Variants in MAML3 observed in about 807,000 individuals in gnomAD.
MAML3 encodes mastermind-like protein 3.
In MAML3, 27 loss-of-function variants were observed where a neutral mutation model predicts 101.9. The observed-to-expected ratio is 0.27, with a 90% CI of 0.20 to 0.37. The LOEUF (loss-of-function observed/expected upper bound fraction) is 0.37, where lower values mean the gene tolerates loss of function less well. Ranked by LOEUF, MAML3 falls within the 10% of genes least tolerant of loss-of-function variation. The pLI, the probability that MAML3 is intolerant of heterozygous loss-of-function variation, is 1.00. For missense variants in MAML3, 1,316 were observed against 1,444.9 expected (o/e 0.91, Z 1.45); for synonymous variants, 501 against 555.9 (o/e 0.90, Z 1.39).
intron 2 of MAML3, among the ~76,000 whole-genome samples, chr4:139,794,980 G>A (rs1560796498): frequency 6.6e-6 from 1 of 152,150 alleles, no homozygotes; most frequent in Non-Finnish European, 1.5e-5. Flanking sequence ...AAAAATCACT[G>A]TGCCTTACCA....
At chr4:139,830,652 G>A (rs1268213546) in intron 2 of MAML3, among the ~76,000 whole-genome samples, 1 of 151,950 alleles carries the variant, frequency 6.6e-6, no homozygotes, top group Non-Finnish European at 1.5e-5. Flanking sequence ...CTGACCTCGT[G>A]ATCCGCCCGC....
At chr4:140,122,599 C>T (rs943402998) in intron 1 of MAML3, among the ~76,000 whole-genome samples, 4 of 151,278 alleles carry the variant, frequency 2.6e-5, no homozygotes, top group South Asian at 2.1e-4. Context: ...GAGACCATCC[C>T]GGCTAAAACG....
At chr4:139,732,021 T>C (rs540459977) in intron 2 of MAML3, among the ~76,000 whole-genome samples, 1 of 152,282 alleles carries the variant, frequency 6.6e-6, no homozygotes, top group African/African-American at 2.4e-5. Flanking sequence ...TAATGTGAAA[T>C]GGAGGAGTTG....
chr4:139,789,904 G>A (rs935056037), intron 2 of MAML3, among the ~76,000 whole-genome samples: 2 of 152,070 alleles, frequency 1.3e-5, no homozygotes, highest in Admixed American at 1.3e-4. Context: ...GGGTGACTGA[G>A]AAGCTTGTGA....
intron 2 of MAML3, among the ~76,000 whole-genome samples, chr4:139,820,181 G>A (rs1254987960): frequency 6.6e-6 from 1 of 152,190 alleles, no homozygotes; most frequent in African/African-American, 2.4e-5. Context: ...CAATATCATG[G>A]TAGTGAAGCA....
chr4:140,083,839 C>T (rs1309808516), intron 1 of MAML3, among the ~76,000 whole-genome samples: 1 of 151,956 alleles, frequency 6.6e-6, no homozygotes, highest in Non-Finnish European at 1.5e-5. Context: ...ACTCCTCCTC[C>T]AGGCCTTAAG....
intron 2 of MAML3, among the ~76,000 whole-genome samples, chr4:139,815,514 A>T (rs1327466718): frequency 6.6e-6 from 1 of 152,232 alleles, no homozygotes; most frequent in Non-Finnish European, 1.5e-5. Flanking sequence ...GCTCAAGATT[A>T]CAGATAATAA....
At chr4:140,080,032 T>C (rs1267305640) in intron 1 of MAML3, among the ~76,000 whole-genome samples, 1 of 152,190 alleles carries the variant, frequency 6.6e-6, no homozygotes, top group African/African-American at 2.4e-5. Flanking sequence ...AATGTATTAA[T>C]AAAAAATACG....
intron 2 of MAML3, among the ~76,000 whole-genome samples, chr4:139,811,376 A>G (rs892413063): frequency 1.3e-5 from 2 of 152,162 alleles, no homozygotes; most frequent in African/African-American, 4.8e-5. Context: ...CCATGGCTTG[A>G]GTACTATTAG....
chr4:139,947,754 A>G (rs1016085265), intron 1 of MAML3, among the ~76,000 whole-genome samples: 9 of 152,118 alleles, frequency 5.9e-5, no homozygotes, highest in Non-Finnish European at 1.3e-4. Context: ...CAAAAATCAA[A>G]ACAAAACAAA....
chr4:139,852,476 G>A (rs1731578290), intron 2 of MAML3, among the ~76,000 whole-genome samples: 1 of 138,436 alleles, frequency 7.2e-6, no homozygotes, highest in Non-Finnish European at 1.5e-5. Flanking sequence ...GCAGTGGTGA[G>A]ATCTTGGCTC....
intron 1 of MAML3, among the ~76,000 whole-genome samples, chr4:140,038,286 G>T (rs1396185378): frequency 6.6e-6 from 1 of 152,214 alleles, no homozygotes; most frequent in Non-Finnish European, 1.5e-5. Context: ...TACAGATACG[G>T]CAGGGAGTGA....
intron 2 of MAML3, among the ~76,000 whole-genome samples, chr4:139,796,395 T>C (rs1313635101): frequency 1.3e-5 from 2 of 152,070 alleles, no homozygotes; most frequent in African/African-American, 2.4e-5. Context: ...AAAGAGAAAA[T>C]AGCTATTTTG....
chr4:139,745,155 G>A (rs952853579), intron 2 of MAML3, among the ~76,000 whole-genome samples: 4 of 152,144 alleles, frequency 2.6e-5, no homozygotes, highest in Non-Finnish European at 5.9e-5. Flanking sequence ...AAGGAGAGCG[G>A]CCACCTGCAA....
intron 2 of MAML3, among the ~76,000 whole-genome samples, chr4:139,841,352 T>C (rs1233913201): frequency 6.6e-6 from 1 of 152,230 alleles, no homozygotes; most frequent in Admixed American, 6.5e-5. Flanking sequence ...GTGAATGCTA[T>C]GTCCAGCTCT....
intron 1 of MAML3, among the ~76,000 whole-genome samples, chr4:140,094,062 C>T (rs1019778687): frequency 6.6e-6 from 1 of 152,222 alleles, no homozygotes; most frequent in African/African-American, 2.4e-5. Flanking sequence ...TAAAATAAAA[C>T]TCTTAACTTC....
chr4:140,018,092 T>C (rs1258568583), intron 1 of MAML3, among the ~76,000 whole-genome samples: 1 of 152,136 alleles, frequency 6.6e-6, no homozygotes, highest in Non-Finnish European at 1.5e-5. Context: ...TCTAATTGGG[T>C]TTCTACAGAC....
Position 139,912,517 on chromosome 4 carries a change from A to G in MAML3, c.469-21550T>C. On this transcript the variant is annotated intron_variant, in intron 1 of 4. Transcript: ENST00000509479. ...CCTCCCCAGCAAAATGATATATTGAAGTCCTAAACTTCAGTACCTCAGAAT... is the reference window on the plus strand; with the variant it reads ...CCTCCCCAGCAAAATGATATATTGAGGTCCTAAACTTCAGTACCTCAGAAT... Among the ~76,000 whole-genome samples the G allele has an allele frequency of 1.3e-5, 2 of 152,236 alleles. 1 individual carries two copies. Among genetic ancestry groups the G allele is most frequent in the East Asian group, 3.8e-4 (2 of 5,196 alleles).
At chr4:139,763,323 C>G (rs995106593) in intron 2 of MAML3, among the ~76,000 whole-genome samples, 1 of 152,164 alleles carries the variant, frequency 6.6e-6, no homozygotes, top group Non-Finnish European at 1.5e-5. Context: ...GACTAAGGCC[C>G]TAGGCAAAGC....
Sources: allele counts gnomAD v4.1 joint callset (sites outside exome capture counted in the v4.1 genomes callset), GRCh38; gene constraint gnomAD v4.1.1; transcripts MANE v1.5; gene names NCBI Gene and HGNC (gene_info 2026-07-23, HGNC 2026-07-21).